The following NEK11 variants were observed in gnomAD, a reference collection of about 807,000 sequenced individuals.
NEK11 encodes NIMA related kinase 11.
Under a neutral mutation model 80.7 loss-of-function variants are expected in NEK11, and 72 were observed. The observed-to-expected ratio is 0.89, with a 90% confidence interval of 0.74 to 1.08. The LOEUF is 1.08. Among genes scored for constraint, NEK11 ranks in the 50% least tolerant of loss-of-function variants. NEK11 has a pLI of 0.00. For missense variants in NEK11, 764 were observed against 763.6 expected, an observed-to-expected ratio of 1.00 and a Z score of -0.01; for synonymous variants, 251 against 260.7, an observed-to-expected ratio of 0.96 and a Z score of 0.36.
intron 16 of NEK11, among the ~76,000 whole-genome samples, chr3:131,269,222 G>A (rs1031746601): frequency 3.3e-5 from 5 of 152,214 alleles, no homozygotes; most frequent in African/African-American, 4.8e-5. Context: ...GGTGGGATCC[G>A]CTGAGCTAGA....
chr3:131,319,340 A>G (rs141793614), intron 17 of NEK11, among the ~76,000 whole-genome samples: 3 of 152,294 alleles, frequency 2.0e-5, no homozygotes, highest in African/African-American at 7.2e-5. Context: ...GCACATCATT[A>G]CAAATAAGCA....
At chr3:131,136,478 A>C (rs16835947) in intron 7 of NEK11, among the ~76,000 whole-genome samples, 2,159 of 152,280 alleles carry the variant, frequency 0.014, 48 homozygotes, top group African/African-American at 0.05. Context: ...CTTATGAATA[A>C]TTGACAGGTG....
intron 17 of NEK11, among the ~76,000 whole-genome samples, chr3:131,343,243 T>A (rs1202001799): frequency 1.3e-5 from 2 of 152,008 alleles, no homozygotes; most frequent in Non-Finnish European, 2.9e-5. Flanking sequence ...AGAAAGTGAT[T>A]GTGAGGTAAA....
chr3:131,243,600 A>C (rs2095551407), intron 16 of NEK11, 104 bp downstream of exon 16: 1 of 960,266 alleles, frequency 1.0e-6, no homozygotes, highest in Non-Finnish European at 1.6e-6. Flanking sequence ...ATCTTAGTAT[A>C]ACAGATGAAG....
Position 131,107,375 on chromosome 3 carries a change from A to AT in NEK11, c.337-2428_337-2427insT, listed in dbSNP as rs532061084. On this transcript the variant is annotated intron_variant, in intron 4 of 17. Coordinates refer to ENST00000383366, the MANE Select transcript of NEK11 (RefSeq NM_024800.5). ...TAAAGTATAATAATAATAAAATAAA[A>AT]AAAAAAGAAGCTAGCAGGTAGCTTC... Among the ~76,000 whole-genome samples the AT allele has an allele frequency of 2.1e-3, 313 of 151,852 alleles. 5 individuals carry two copies. Among genetic ancestry groups the AT allele is most frequent in the Middle Eastern group, 0.017 (5 of 294 alleles).
At chr3:131,080,313 T>C (rs1193537719) in intron 3 of NEK11, 110 bp from the exon 4 acceptor site, 10 of 757,098 alleles carry the variant, frequency 1.3e-5, no homozygotes, top group Non-Finnish European at 2.1e-5. Flanking sequence ...ATACCAGATA[T>C]ATGAGTAGGT....
At chr3:131,284,261 G>T (rs920247988) in intron 17 of NEK11, among the ~76,000 whole-genome samples, 6 of 152,188 alleles carry the variant, frequency 3.9e-5, no homozygotes, top group Non-Finnish European at 5.9e-5. Context: ...AGGTTCACTA[G>T]CATAACTGTA....
At chr3:131,297,371 GT>G (rs2096606597) in intron 17 of NEK11, among the ~76,000 whole-genome samples, 1 of 151,952 alleles carries the variant, frequency 6.6e-6, no homozygotes, top group Non-Finnish European at 1.5e-5. Context: ...GTGTGAGATG[GT>G]ATCTCATTGT....
chr3:131,034,428 C>G (rs1361912273), intron 3 of NEK11, among the ~76,000 whole-genome samples: 2 of 151,418 alleles, frequency 1.3e-5, no homozygotes, highest in Admixed American at 1.3e-4. Flanking sequence ...GAGTCGGAGT[C>G]TCGATTTGTC....
chr3:131,221,618 A>T (rs1468068443), intron 14 of NEK11, among the ~76,000 whole-genome samples: 1 of 152,162 alleles, frequency 6.6e-6, no homozygotes, highest in South Asian at 2.1e-4. Flanking sequence ...TTTAGAGGAA[A>T]CTTGGTTTTC....
intron 14 of NEK11, among the ~76,000 whole-genome samples, chr3:131,195,224 T>C (rs1235491681): frequency 2.6e-5 from 4 of 152,142 alleles, no homozygotes; most frequent in Non-Finnish European, 1.5e-5. Flanking sequence ...ACGTGGCCTA[T>C]AAGGCCCCTG....
At chr3:131,189,020 TAGAG>T (rs1272499067) in intron 14 of NEK11, among the ~76,000 whole-genome samples, 6 of 151,908 alleles carry the variant, frequency 3.9e-5, no homozygotes, top group Admixed American at 1.3e-4. Context: ...ATAAAACAGA[TAGAG>T]AGATATATTA....
intron 14 of NEK11, among the ~76,000 whole-genome samples, chr3:131,224,241 T>C (rs1490473192): frequency 6.6e-6 from 1 of 152,178 alleles, no homozygotes; most frequent in Non-Finnish European, 1.5e-5. Flanking sequence ...ATACTTTTTT[T>C]TTTTGAGGTG....
intron 14 of NEK11, among the ~76,000 whole-genome samples, chr3:131,188,677 C>CT (rs2093683338): frequency 6.6e-6 from 1 of 152,146 alleles, no homozygotes; most frequent in Non-Finnish European, 1.5e-5. Flanking sequence ...CTGAGCACCA[C>CT]TTTTATCTTT....
chr3:131,295,829 T>C (rs2096587412), intron 17 of NEK11, among the ~76,000 whole-genome samples: 1 of 152,182 alleles, frequency 6.6e-6, no homozygotes, highest in African/African-American at 2.4e-5. Context: ...CCAAGTTTAC[T>C]TTCCTTTTTA....
chr3:131,110,818 A>G (rs2080005099), intron 5 of NEK11, among the ~76,000 whole-genome samples: 1 of 152,312 alleles, frequency 6.6e-6, no homozygotes, highest in African/African-American at 2.4e-5. Flanking sequence ...TAATCGGATT[A>G]TTCTGTAATT....
intron 17 of NEK11, among the ~76,000 whole-genome samples, chr3:131,284,449 T>C (rs569048415): frequency 2.0e-5 from 3 of 152,304 alleles, no homozygotes; most frequent in Admixed American, 6.5e-5. Context: ...CTGACCCATA[T>C]TGATGCAGAG....
rs2097427367 is a variant in NEK11 at position 131,349,792 on chromosome 3, A to C, written c.*16A>C. 1.9e-6 allele frequency: 3 copies of C among 1,594,132 alleles called. No individual in the cohort carries two copies. Among genetic ancestry groups the C allele is most frequent in the Admixed American group, 1.7e-5 (1 of 59,188 alleles). ...CCATCTCTAGGCAACTATCAAAAAG[A>C]AGCAGAAGTTCAAGTGGACAAATTT... On this transcript the variant is annotated 3_prime_UTR_variant, in exon 18 of 18. Transcript: ENST00000383366.
chr3:131,044,009 A>T (rs1454061344), intron 3 of NEK11, among the ~76,000 whole-genome samples: 1 of 152,190 alleles, frequency 6.6e-6, no homozygotes, highest in African/African-American at 2.4e-5. Flanking sequence ...ATATCCAGCC[A>T]AACTAAGCTT....
Sources: allele counts gnomAD v4.1 joint callset (sites outside exome capture counted in the v4.1 genomes callset), GRCh38; gene constraint gnomAD v4.1.1; transcripts MANE v1.5; gene names NCBI Gene and HGNC (gene_info 2026-07-23, HGNC 2026-07-21).